EPC1: variants seen among roughly 807,000 people sequenced by gnomAD.
The protein encoded by EPC1 is enhancer of polycomb 1.
Under a neutral mutation model 98.4 loss-of-function variants are expected in EPC1, and 12 were observed. That is an observed-to-expected ratio of 0.12 (90% CI 0.08 to 0.20). EPC1 has a LOEUF of 0.20. Among genes scored for constraint, EPC1 ranks in the 10% least tolerant of loss-of-function variants. The pLI is 1.00. For synonymous variants in EPC1, 357 were observed against 363.9 expected (o/e 0.98, Z 0.21); for missense variants, 729 against 990.5 (o/e 0.74, Z 3.54).
At chr10:32,277,727 T>C (rs571967452) in intron 10 of EPC1, among the ~76,000 whole-genome samples, 8 of 152,268 alleles carry the variant, frequency 5.3e-5, no homozygotes, top group Middle Eastern at 3.4e-3. Context: ...TCACTATGCC[T>C]GGCTAATTTT....
intron 6 of EPC1, among the ~76,000 whole-genome samples, chr10:32,287,647 A>G (rs1260910519): frequency 6.6e-6 from 1 of 152,154 alleles, no homozygotes; most frequent in Non-Finnish European, 1.5e-5. Flanking sequence ...GGGATTGTCT[A>G]ATCCTTATTC....
chr10:32,271,464 A>C, intron 13 of EPC1, 90 bp downstream of exon 13: 1 of 1,387,328 alleles, frequency 7.2e-7, no homozygotes, highest in Non-Finnish European at 9.8e-7. Flanking sequence ...GAAAAGAACA[A>C]GAAACACAAA....
At chr10:32,294,287 G>T (rs1835014189) in intron 2 of EPC1, among the ~76,000 whole-genome samples, 1 of 152,214 alleles carries the variant, frequency 6.6e-6, no homozygotes, top group Non-Finnish European at 1.5e-5. Flanking sequence ...CTTGGGACCA[G>T]AAGTGTTTTG....
At chr10:32,325,227 A>G (rs1837203246) in intron 1 of EPC1, among the ~76,000 whole-genome samples, 1 of 152,160 alleles carries the variant, frequency 6.6e-6, no homozygotes, top group African/African-American at 2.4e-5. Context: ...GTAAAACACA[A>G]AACAAAATTA....
chr10:32,356,615 C>T (rs981404591), intron 1 of EPC1, among the ~76,000 whole-genome samples: 1 of 152,054 alleles, frequency 6.6e-6, no homozygotes, highest in Admixed American at 6.5e-5. Flanking sequence ...TTTAGGACAC[C>T]GTGGGAGGAA....
chr10:32,319,690 C>G (rs1232543054), intron 1 of EPC1, among the ~76,000 whole-genome samples: 1 of 151,886 alleles, frequency 6.6e-6, no homozygotes, highest in African/African-American at 2.4e-5. Flanking sequence ...ATATTTTTTT[C>G]TTTGAGACAG....
chr10:32,361,357 A>G (rs1279508278), intron 1 of EPC1, among the ~76,000 whole-genome samples: 2 of 152,228 alleles, frequency 1.3e-5, no homozygotes, highest in Non-Finnish European at 2.9e-5. Flanking sequence ...AAAATATGAC[A>G]GTGGGAGACC....
intron 2 of EPC1, among the ~76,000 whole-genome samples, chr10:32,300,065 C>A (rs535181882): frequency 1.3e-5 from 2 of 151,888 alleles, no homozygotes; most frequent in Non-Finnish European, 2.9e-5. Flanking sequence ...GCACCTGCCA[C>A]CACGCCCGGC....
At chr10:32,351,315 T>G (rs1839101779), upstream of EPC1, among the ~76,000 whole-genome samples, 1 of 152,192 alleles carries the variant, frequency 6.6e-6, no homozygotes. Flanking sequence ...CATTATTGCT[T>G]AAGACAAGCT....
At position 32,268,723 on chromosome 10, in the gene EPC1, TCA is replaced by T. The variant is rs1200586078; in HGVS notation, c.*338_*339del. On this transcript the variant is annotated 3_prime_UTR_variant, in exon 14 of 14. Transcript: ENST00000319778. ...CTTCATCTCTATACAATCTCACATCTCACACTCTTTGTTGCAATTGATTTCCC... is the reference window on the plus strand; with the variant it reads ...CTTCATCTCTATACAATCTCACATCTCACTCTTTGTTGCAATTGATTTCCC... 5.3e-6 allele frequency: 1 copy of T among 188,012 alleles called. No individual in the cohort carries two copies. Among genetic ancestry groups the T allele is most frequent in the African/African-American group, 2.4e-5 (1 of 41,914 alleles). 11.6% of individuals were successfully genotyped at this position (188,012 alleles called of 1,614,324 possible). A position where few individuals can be genotyped will look rare whatever the true frequency, so the allele number is the denominator to read the frequency against.
In EPC1 at chr10:32,347,101, C is replaced by G; in HGVS notation, c.-186G>C. ...GGAGGCTGTGCCGCTCCGCTCCTCT[C>G]TCGCTCGCTCTCTTCAATACGCCAT... On this transcript the variant is annotated 5_prime_UTR_variant, in exon 1 of 14. Coordinates refer to ENST00000319778, the MANE Select transcript of EPC1 (RefSeq NM_001272004.3). 2.8e-6 allele frequency: 4 copies of G among 1,440,844 alleles called. No homozygotes were observed. Among genetic ancestry groups the G allele is most frequent in the East Asian group, 2.5e-5 (1 of 40,104 alleles). 89.3% of individuals were successfully genotyped at this position (1,440,844 alleles called of 1,614,324 possible).
intron 1 of EPC1, among the ~76,000 whole-genome samples, chr10:32,354,113 T>G (rs1839202435): frequency 6.6e-6 from 1 of 152,184 alleles, no homozygotes; most frequent in Non-Finnish European, 1.5e-5. Flanking sequence ...ATTTTTCACA[T>G]AAAATAAAAT....
intron 2 of EPC1, among the ~76,000 whole-genome samples, chr10:32,298,945 A>G (rs1835332311): frequency 1.3e-5 from 2 of 152,196 alleles, no homozygotes; most frequent in Admixed American, 6.5e-5. Flanking sequence ...CTTTAGGAAA[A>G]AAGTATCCGT....
chr10:32,346,741 G>A (rs201624551), intron 1 of EPC1, 22 bp downstream of exon 1: 25 of 1,609,698 alleles, frequency 1.6e-5, no homozygotes, highest in South Asian at 2.2e-5. Context: ...ACGGTGGGTC[G>A]GACAGGGGAG....
At chr10:32,318,020 T>A (rs1836656897) in intron 1 of EPC1, among the ~76,000 whole-genome samples, 1 of 152,310 alleles carries the variant, frequency 6.6e-6, no homozygotes, top group Middle Eastern at 3.4e-3. Flanking sequence ...TGTCCTCTCA[T>A]GTCCTTATTT....
chr10:32,335,194 T>C (rs912896411), intron 1 of EPC1, among the ~76,000 whole-genome samples: 2 of 152,144 alleles, frequency 1.3e-5, no homozygotes, highest in African/African-American at 4.8e-5. Context: ...TCACTTGAGG[T>C]TGGCTGGATA....
chr10:32,332,989 T>C (rs1002925320), intron 1 of EPC1, among the ~76,000 whole-genome samples: 2 of 152,002 alleles, frequency 1.3e-5, no homozygotes, highest in Non-Finnish European at 2.9e-5. Context: ...GAAGAGGAGG[T>C]ATCCTTCCTA....
rs41289029 is a variant in EPC1, at chr10:32,305,860, C to T, written c.225G>A (p.Pro75=). ...YGEKRDNMVI[P]VPEAESNIAY... is the part of the protein sequence containing the mutation. Reference sequence around the variant, plus strand: ...CAATATTACTTTCTGCCTCTGGGACCGGTATAACCATATTATCCCTCTTCT... The same window carrying T: ...CAATATTACTTTCTGCCTCTGGGACTGGTATAACCATATTATCCCTCTTCT... The change falls in exon 2 of 14, where the codon CCG becomes CCA. Residue 75 remains proline (P), a synonymous_variant. Coordinates refer to ENST00000319778, the MANE Select transcript of EPC1 (RefSeq NM_001272004.3). 2.2e-4 allele frequency: 350 copies of T among 1,613,118 alleles called. No individual in the cohort carries two copies. The highest frequency in any genetic ancestry group is 5.5e-4 in the Admixed American group (33 of 59,872).
intron 2 of EPC1, among the ~76,000 whole-genome samples, chr10:32,298,019 G>A (rs1256887033): frequency 1.3e-5 from 2 of 151,748 alleles, no homozygotes; most frequent in African/African-American, 4.8e-5. Context: ...GGATGGTCTC[G>A]ATCTCCTGAC....
Sources: gnomAD v4.1 joint callset for allele counts (sites outside exome capture counted in the v4.1 genomes callset) on GRCh38, gnomAD v4.1.1 for gene constraint, MANE v1.5 for transcripts, NCBI Gene and HGNC (gene_info 2026-07-23, HGNC 2026-07-21) for gene names.